The following SCOC variants were observed in gnomAD, a reference collection of about 807,000 sequenced individuals.
The protein encoded by SCOC is short coiled coil protein.
In SCOC, 7 loss-of-function variants were observed where a neutral mutation model predicts 9.9. That is an observed-to-expected ratio of 0.71 (90% CI 0.40 to 1.33). The LOEUF is 1.33. Among genes scored for constraint, SCOC ranks in the 40% most tolerant of loss-of-function variants. SCOC has a pLI of 0.01. For synonymous variants in SCOC, 19 were observed against 28.2 expected (o/e 0.67, Z 1.03); for missense variants, 66 against 89.7 (o/e 0.74, Z 1.07).
intron 1 of SCOC, chr4:140,285,163 G>T (rs1731228934): frequency 2.2e-6 from 1 of 456,508 alleles, no homozygotes; most frequent in African/African-American, 2.0e-5. Flanking sequence ...AACAGGAGTT[G>T]GGTCCCAAGG....
At chr4:140,379,265 G>A in intron 2 of SCOC, 73 bp downstream of exon 2, 2 of 1,000,120 alleles carry the variant, frequency 2.0e-6, no homozygotes, top group Non-Finnish European at 3.2e-6. Context: ...CAATGGAAAG[G>A]GCAGAGAAAC....
intron 1 of SCOC, among the ~76,000 whole-genome samples, chr4:140,282,508 C>T (rs951913119): frequency 1.3e-5 from 2 of 152,152 alleles, no homozygotes; most frequent in Non-Finnish European, 2.9e-5. Context: ...GTTCTGTTTC[C>T]CTTCCTGTGG....
intron 1 of SCOC, among the ~76,000 whole-genome samples, chr4:140,334,083 T>C (rs1732891295): frequency 6.6e-6 from 1 of 152,138 alleles, no homozygotes. Flanking sequence ...GCCCAGCTAA[T>C]TAAAAAAATC....
chr4:140,295,667 C>T (rs1731606364), intron 1 of SCOC, among the ~76,000 whole-genome samples: 1 of 152,018 alleles, frequency 6.6e-6, no homozygotes, highest in Non-Finnish European at 1.5e-5. Context: ...GAGCGAAGGG[C>T]GCGGTGGCTC....
rs1456479379 is a variant in SCOC at position 140,373,685 on chromosome 4, G to C, written c.-83G>C. The C allele has an allele frequency of 7.7e-6, 12 of 1,550,390 alleles. No individual in the cohort carries two copies. Among genetic ancestry groups the C allele is most frequent in the East Asian group, 2.4e-5 (1 of 40,888 alleles). On this transcript the variant is annotated 5_prime_UTR_variant, in exon 1 of 4. Coordinates refer to ENST00000608372, the MANE Select transcript of SCOC (RefSeq NM_001153484.2). ...GTGTCCCGGCCTGAGGTGTCGGCCG[G>C]ATCCCTCCTTCTCCCGGCGCCTCAA...
intron 1 of SCOC, among the ~76,000 whole-genome samples, chr4:140,290,821 A>G (rs1318507727): frequency 6.6e-6 from 1 of 152,150 alleles, no homozygotes; most frequent in Non-Finnish European, 1.5e-5. Flanking sequence ...TCTCAAAAAC[A>G]AACAAACAAA....
At chr4:140,285,413 G>C (rs1344132815) in intron 1 of SCOC, 3 of 394,996 alleles carry the variant, frequency 7.6e-6, no homozygotes, top group African/African-American at 4.1e-5. Context: ...TTTGATGTGG[G>C]GTGTGGTTTA....
chr4:140,365,232 A>G (rs761803941), intron 2 of SCOC, among the ~76,000 whole-genome samples: 3 of 151,946 alleles, frequency 2.0e-5, no homozygotes, highest in Non-Finnish European at 4.4e-5. Flanking sequence ...GAGAAATGTA[A>G]GAGCTAACAG....
At position 140,343,609 on chromosome 4, in the gene SCOC, TCTTA is replaced by T. The variant is rs759343144; in HGVS notation, c.-18-9_-18-6del. The stretch of plus-strand genomic sequence containing the variant: ...TGCTGCTTTTCTCTGCCCTCATTTT[TCTTA>T]CTAACAGGTCTGAAAATTGAACAAG... On this transcript the variant is annotated splice_region_variant and splice_polypyrimidine_tract_variant and intron_variant, in intron 1 of 4. Transcript: ENST00000338517. The T allele has an allele frequency of 5.0e-6, 8 of 1,591,884 alleles. No homozygotes were observed. In the Admixed American group the frequency reaches 6.7e-5, roughly 13 times the overall value.
At chr4:140,373,410 G>C (rs991563871), upstream of SCOC, 52 of 1,479,386 alleles carry the variant, frequency 3.5e-5, no homozygotes, top group African/African-American at 6.1e-4. Context: ...TACTGTCATT[G>C]GCTGTCGCTG....
intron 2 of SCOC, chr4:140,366,809 C>T (rs910444707): frequency 1.8e-6 from 2 of 1,108,804 alleles, no homozygotes; most frequent in African/African-American, 3.1e-5. Flanking sequence ...GCACGAGGTC[C>T]AGAGGGGATG....
chr4:140,370,726 C>T (rs1163239463), upstream of SCOC, among the ~76,000 whole-genome samples: 1 of 152,022 alleles, frequency 6.6e-6, no homozygotes, highest in Non-Finnish European at 1.5e-5. Flanking sequence ...GATGAATATG[C>T]CCCTTTATCT....
intron 1 of SCOC, among the ~76,000 whole-genome samples, chr4:140,337,870 C>A (rs1329201467): frequency 6.6e-6 from 1 of 152,134 alleles, no homozygotes; most frequent in Admixed American, 6.5e-5. Flanking sequence ...ACCAGAGGTA[C>A]AAGGAGGAGC....
intron 2 of SCOC, among the ~76,000 whole-genome samples, chr4:140,345,746 TATAC>T (rs1339205523): frequency 6.6e-6 from 1 of 152,152 alleles, no homozygotes; most frequent in Non-Finnish European, 1.5e-5. Flanking sequence ...CATGTGTACA[TATAC>T]ATATATATAT....
At chr4:140,307,576 GA>G (rs1732029047) in intron 1 of SCOC, among the ~76,000 whole-genome samples, 1 of 152,186 alleles carries the variant, frequency 6.6e-6, no homozygotes, top group African/African-American at 2.4e-5. Context: ...TCCTTACAAA[GA>G]TCCTCTATTG....
intron 1 of SCOC, among the ~76,000 whole-genome samples, chr4:140,305,926 C>T (rs781777764): frequency 4.6e-5 from 7 of 152,092 alleles, no homozygotes; most frequent in Non-Finnish European, 1.0e-4. Context: ...ACCTTTTCTC[C>T]CTTTTTAAAT....
upstream of SCOC, among the ~76,000 whole-genome samples, chr4:140,369,797 T>C (rs1727963998): frequency 6.6e-6 from 1 of 151,412 alleles, no homozygotes; most frequent in Non-Finnish European, 1.5e-5. Context: ...AATCAAATAT[T>C]TCTATGCAAT....
chr4:140,346,024 T>G (rs1726723255), intron 2 of SCOC, among the ~76,000 whole-genome samples: 1 of 152,216 alleles, frequency 6.6e-6, no homozygotes, highest in Non-Finnish European at 1.5e-5. Context: ...AGCTCATATT[T>G]TTTTAGTAAC....
chr4:140,334,616 G>A (rs145615654), intron 1 of SCOC, among the ~76,000 whole-genome samples: 18 of 151,854 alleles, frequency 1.2e-4, no homozygotes, highest in Non-Finnish European at 2.4e-4. Context: ...GAGTTCTACC[G>A]TCTGAACAAA....
Sources: gnomAD v4.1 joint callset for allele counts (sites outside exome capture counted in the v4.1 genomes callset) on GRCh38, gnomAD v4.1.1 for gene constraint, MANE v1.5 for transcripts, NCBI Gene and HGNC (gene_info 2026-07-23, HGNC 2026-07-21) for gene names.